The following ERBB4 variants were observed in gnomAD, a reference collection of about 807,000 sequenced individuals.
ERBB4 encodes the protein receptor tyrosine-protein kinase erbB-4.
A neutral mutation model predicts 158.0 loss-of-function variants in ERBB4; 42 were observed. The ratio of observed to expected loss-of-function variants is 0.27; its 90% CI spans 0.21 to 0.34. ERBB4 has a LOEUF of 0.34. Among genes scored for constraint, ERBB4 ranks in the 10% least tolerant of loss-of-function variants. The pLI is 1.00. For synonymous variants in ERBB4, 583 were observed against 558.7 expected, an observed-to-expected ratio of 1.04 and a Z score of -0.61; for missense variants, 1,333 against 1,624.1, an observed-to-expected ratio of 0.82 and a Z score of 3.08.
At chr2:211,602,593 T>C (rs111720542) in intron 19 of ERBB4, among the ~76,000 whole-genome samples, 2,223 of 152,186 alleles carry the variant, frequency 0.015, 26 homozygotes, top group Middle Eastern at 0.044. Context: ...TTAGGTAATC[T>C]CCCTCACCCT....
intron 20 of ERBB4, among the ~76,000 whole-genome samples, chr2:211,437,154 T>C (rs775554686): frequency 3.9e-5 from 6 of 152,108 alleles, no homozygotes; most frequent in Non-Finnish European, 8.8e-5. Flanking sequence ...TACCATTACC[T>C]GAACTATTCA....
chr2:212,004,336 G>A (rs566139187), intron 2 of ERBB4, among the ~76,000 whole-genome samples: 17 of 152,176 alleles, frequency 1.1e-4, no homozygotes, highest in Non-Finnish European at 1.8e-4. Flanking sequence ...CACCAAATAA[G>A]ATACCCACAA....
At chr2:211,947,323 TGCC>T in intron 3 of ERBB4, 104 bp downstream of exon 3, 1 of 859,582 alleles carries the variant, frequency 1.2e-6, no homozygotes, top group Non-Finnish European at 1.9e-6. Context: ...GATATTTAAA[TGCC>T]TTAGAGTGTT....
intron 20 of ERBB4, among the ~76,000 whole-genome samples, chr2:211,474,440 C>T (rs2064905294): frequency 6.6e-6 from 1 of 151,964 alleles, no homozygotes; most frequent in Admixed American, 6.6e-5. Context: ...ACATATTTGA[C>T]TCCAAAGCCC....
At chr2:211,924,095 C>T (rs1360928128) in intron 3 of ERBB4, among the ~76,000 whole-genome samples, 1 of 152,010 alleles carries the variant, frequency 6.6e-6, no homozygotes, top group African/African-American at 2.4e-5. Flanking sequence ...TCATGGAAAC[C>T]CCACACTAGA....
intron 1 of ERBB4, among the ~76,000 whole-genome samples, chr2:212,146,530 C>T (rs2080679330): frequency 6.6e-6 from 1 of 152,136 alleles, no homozygotes; most frequent in Non-Finnish European, 1.5e-5. Context: ...AACTTGAGGA[C>T]CAAGTGTCGC....
At chr2:212,165,825 G>A (rs542406358) in intron 1 of ERBB4, among the ~76,000 whole-genome samples, 6 of 152,108 alleles carry the variant, frequency 3.9e-5, no homozygotes, top group East Asian at 1.9e-4. Flanking sequence ...TGGATTCTCT[G>A]TTACATAAAA....
At chr2:212,188,724 C>CA (rs1461704189) in intron 1 of ERBB4, among the ~76,000 whole-genome samples, 2 of 151,812 alleles carry the variant, frequency 1.3e-5, no homozygotes, top group Non-Finnish European at 2.9e-5. Context: ...CTTCAGAACT[C>CA]AGTTTAAATA....
intron 2 of ERBB4, among the ~76,000 whole-genome samples, chr2:212,024,824 T>C (rs553984764): frequency 9.2e-5 from 14 of 151,666 alleles, no homozygotes; most frequent in African/African-American, 1.5e-4. Flanking sequence ...GAGAGTAAAA[T>C]TATATTGGAG....
At chr2:212,223,425 ATATT>A (rs996962455) in intron 1 of ERBB4, among the ~76,000 whole-genome samples, 3 of 76,488 alleles carry the variant, frequency 3.9e-5, no homozygotes, top group South Asian at 4.6e-4. Context: ...ATATATATAT[ATATT>A]TTTTTTATTT....
At chr2:212,454,186 G>A (rs571270961) in intron 1 of ERBB4, among the ~76,000 whole-genome samples, 97 of 152,122 alleles carry the variant, frequency 6.4e-4, no homozygotes, top group Admixed American at 2.5e-3. Context: ...TGGTCTACCC[G>A]CCTCGGCCTC....
chr2:211,924,786 A>G (rs908825656), intron 3 of ERBB4, among the ~76,000 whole-genome samples: 2 of 152,192 alleles, frequency 1.3e-5, no homozygotes, highest in African/African-American at 2.4e-5. Context: ...CTTAATATAT[A>G]GCTTTTTTAA....
intron 3 of ERBB4, among the ~76,000 whole-genome samples, chr2:211,821,053 T>C (rs1165296058): frequency 6.6e-6 from 1 of 151,846 alleles, no homozygotes; most frequent in Admixed American, 6.6e-5. Context: ...GCCAGAGTAA[T>C]TTAGCAAGAG....
chr2:212,253,282 G>C (rs1190900734), intron 1 of ERBB4, among the ~76,000 whole-genome samples: 2 of 152,044 alleles, frequency 1.3e-5, no homozygotes, highest in Non-Finnish European at 2.9e-5. Flanking sequence ...AGTGAGATGG[G>C]ATTGAAGCTG....
intron 17 of ERBB4, among the ~76,000 whole-genome samples, chr2:211,628,528 C>T (rs1036323033): frequency 6.6e-6 from 1 of 152,166 alleles, no homozygotes; most frequent in African/African-American, 2.4e-5. Flanking sequence ...CATAGTATTC[C>T]ATGGTGTATA....
intron 1 of ERBB4, among the ~76,000 whole-genome samples, chr2:212,259,747 C>G (rs1559867131): frequency 1.3e-5 from 2 of 152,058 alleles, no homozygotes; most frequent in African/African-American, 2.4e-5. Context: ...ACGATTTCTA[C>G]CGATGGAAAG....
intron 2 of ERBB4, among the ~76,000 whole-genome samples, chr2:212,099,593 A>G (rs1008723863): frequency 2.0e-5 from 3 of 152,158 alleles, no homozygotes; most frequent in South Asian, 2.1e-4. Flanking sequence ...TGAAATGATG[A>G]CTTCTCCCGG....
intron 20 of ERBB4, among the ~76,000 whole-genome samples, chr2:211,443,347 C>T (rs982346946): frequency 1.3e-5 from 2 of 152,060 alleles, no homozygotes; most frequent in East Asian, 3.9e-4. Context: ...AATTTTCAGG[C>T]TTACTTGCAT....
chr2:211,818,462 T>G (rs1015012706), intron 3 of ERBB4, among the ~76,000 whole-genome samples: 1 of 152,042 alleles, frequency 6.6e-6, no homozygotes, highest in African/African-American at 2.4e-5. Flanking sequence ...ATTACCAGTA[T>G]GTGCTAGTTA....
Sources: allele counts gnomAD v4.1 joint callset (sites outside exome capture counted in the v4.1 genomes callset), GRCh38; gene constraint gnomAD v4.1.1; transcripts MANE v1.5; gene names NCBI Gene and HGNC (gene_info 2026-07-23, HGNC 2026-07-21).